TMEM217B: variants seen among roughly 807,000 people sequenced by gnomAD.
The protein encoded by TMEM217B is putative transmembrane protein 217B.
chr6:37,238,429 T>C, the TMEM217B span, among the ~76,000 whole-genome samples: 1 of 152,206 alleles, frequency 6.6e-6, no homozygotes, highest in Non-Finnish European at 1.5e-5. Context: ...TATTTCCACC[T>C]TCTTTGCTAC....
At chr6:37,226,877 T>C in the TMEM217B span, among the ~76,000 whole-genome samples, 1 of 152,258 alleles carries the variant, frequency 6.6e-6, no homozygotes, top group African/African-American at 2.4e-5. Context: ...AAGATCACCA[T>C]TCTCTTACAA....
chr6:37,252,671 A>C, the TMEM217B span, among the ~76,000 whole-genome samples: 1 of 119,994 alleles, frequency 8.3e-6, no homozygotes, highest in Non-Finnish European at 1.7e-5. Context: ...ACAGGGTCTC[A>C]CTCTGTCACC....
At chr6:37,238,396 C>G in the TMEM217B span, among the ~76,000 whole-genome samples, 6 of 152,180 alleles carry the variant, frequency 3.9e-5, no homozygotes, top group Admixed American at 2.0e-4. Flanking sequence ...GTAGCAGACA[C>G]CGTTAGCTTC....
chr6:37,230,778 CA>C, the TMEM217B span, among the ~76,000 whole-genome samples: 1 of 152,122 alleles, frequency 6.6e-6, no homozygotes. Flanking sequence ...TTCTGCTTAA[CA>C]CAGTTAAGCA....
chr6:37,254,925 A>G, the TMEM217B span, among the ~76,000 whole-genome samples: 76 of 152,308 alleles, frequency 5.0e-4, no homozygotes, highest in Admixed American at 1.2e-3. Context: ...TTAGATTCTC[A>G]TAAGGAGTGC....
the TMEM217B span, chr6:37,218,764 C>G: frequency 1.9e-6 from 3 of 1,614,038 alleles, no homozygotes; most frequent in African/African-American, 2.7e-5. Context: ...CCCTGAAGAT[C>G]TGGGCATACA....
the TMEM217B span, among the ~76,000 whole-genome samples, chr6:37,250,875 G>A: frequency 6.6e-6 from 1 of 152,226 alleles, no homozygotes; most frequent in Non-Finnish European, 1.5e-5. Flanking sequence ...TTGATGCTAT[G>A]GAGTGTTTGT....
At chr6:37,224,933 C>A in the TMEM217B span, among the ~76,000 whole-genome samples, 1 of 151,636 alleles carries the variant, frequency 6.6e-6, no homozygotes, top group African/African-American at 2.4e-5. Context: ...AATCCCAGCA[C>A]TTTGGGAAGC....
the TMEM217B span, among the ~76,000 whole-genome samples, chr6:37,232,836 C>A: frequency 6.6e-6 from 1 of 152,224 alleles, no homozygotes; most frequent in Non-Finnish European, 1.5e-5. Flanking sequence ...TGACACCAAA[C>A]TCACCTTGTT....
the TMEM217B span, among the ~76,000 whole-genome samples, chr6:37,220,494 C>T: frequency 2.6e-5 from 4 of 151,902 alleles, no homozygotes; most frequent in Non-Finnish European, 4.4e-5. Flanking sequence ...GTTAACTACA[C>T]TGAGCAGGTG....
chr6:37,214,291 G>A, the TMEM217B span, among the ~76,000 whole-genome samples: 4 of 152,106 alleles, frequency 2.6e-5, no homozygotes, highest in East Asian at 1.9e-4. Flanking sequence ...GCAGTGGTAC[G>A]ATCTTGGATC....
chr6:37,244,431 G>T, the TMEM217B span, among the ~76,000 whole-genome samples: 1 of 152,346 alleles, frequency 6.6e-6, no homozygotes, highest in South Asian at 2.1e-4. Flanking sequence ...TTATTTTCCA[G>T]CTACACTTAT....
At chr6:37,244,922 G>A in the TMEM217B span, among the ~76,000 whole-genome samples, 1 of 152,198 alleles carries the variant, frequency 6.6e-6, no homozygotes. Context: ...GATGGCCTCA[G>A]CTGGGATAAC....
At chr6:37,251,387 G>T in the TMEM217B span, among the ~76,000 whole-genome samples, 1 of 133,048 alleles carries the variant, frequency 7.5e-6, no homozygotes, top group South Asian at 2.5e-4. Flanking sequence ...CTGCACTAGA[G>T]AAAAATTTCC....
chr6:37,250,010 C>T, the TMEM217B span, among the ~76,000 whole-genome samples: 1 of 152,150 alleles, frequency 6.6e-6, no homozygotes, highest in African/African-American at 2.4e-5. Flanking sequence ...AACCAAATGT[C>T]CATCAGTAGT....
the TMEM217B span, among the ~76,000 whole-genome samples, chr6:37,249,597 A>G: frequency 3.1e-4 from 47 of 152,212 alleles, no homozygotes; most frequent in Admixed American, 3.9e-4. Flanking sequence ...TTGGGATTAC[A>G]GGTGTAAGCC....
At chr6:37,236,290 T>A in the TMEM217B span, among the ~76,000 whole-genome samples, 2 of 152,174 alleles carry the variant, frequency 1.3e-5, no homozygotes, top group African/African-American at 4.8e-5. Flanking sequence ...GCCTGGCCAT[T>A]TATTTTTAAA....
the TMEM217B span, chr6:37,258,115 G>T: frequency 1.1e-6 from 1 of 940,092 alleles, no homozygotes; most frequent in East Asian, 3.0e-5. Context: ...CGGCAGGGCA[G>T]CTGTCAGGCA....
At chr6:37,221,473 C>G in the TMEM217B span, among the ~76,000 whole-genome samples, 1 of 152,154 alleles carries the variant, frequency 6.6e-6, no homozygotes, top group Admixed American at 6.5e-5. Flanking sequence ...AGGGGTGAGC[C>G]ACCCCACCTG....
Sources: allele counts gnomAD v4.1 joint callset (sites outside exome capture counted in the v4.1 genomes callset), GRCh38; gene constraint gnomAD v4.1.1; transcripts MANE v1.5; gene names NCBI Gene and HGNC (gene_info 2026-07-23, HGNC 2026-07-21).